SPIDR: variants seen among roughly 807,000 people sequenced by gnomAD.
SPIDR encodes the protein DNA repair-scaffolding protein.
In SPIDR, 93 loss-of-function variants were observed where a neutral mutation model predicts 104.6. The observed-to-expected ratio is 0.89, with a 90% CI of 0.75 to 1.06. SPIDR has a LOEUF of 1.06. SPIDR is among the 50% of genes least tolerant of loss of function. The probability of loss-of-function intolerance (pLI) is 0.00; values close to 1 mark genes in which losing one functional copy is unlikely to be tolerated. For missense variants in SPIDR, 1,154 were observed against 1,111.2 expected (o/e 1.04, Z -0.55); for synonymous variants, 431 against 416.9 (o/e 1.03, Z -0.41).
At chr8:47,538,271 G>A (rs1332172779) in intron 8 of SPIDR, among the ~76,000 whole-genome samples, 2 of 152,088 alleles carry the variant, frequency 1.3e-5, no homozygotes, top group Admixed American at 6.6e-5. Flanking sequence ...AAGGCTGGGC[G>A]TGGTGGTTCA....
At chr8:47,315,782 G>A (rs2045226749) in intron 5 of SPIDR, among the ~76,000 whole-genome samples, 1 of 152,110 alleles carries the variant, frequency 6.6e-6, no homozygotes, top group Admixed American at 6.5e-5. Context: ...TAAATAAAAA[G>A]TGCTGGAACA....
chr8:47,280,112 T>C, intron 2 of SPIDR, 95 bp downstream of exon 2: 1 of 1,318,906 alleles, frequency 7.6e-7, no homozygotes, highest in Non-Finnish European at 1.0e-6. Flanking sequence ...ATTCCCTTTC[T>C]TATTCTTTCA....
At chr8:47,668,439 C>A (rs901518359) in intron 10 of SPIDR, among the ~76,000 whole-genome samples, 2 of 151,442 alleles carry the variant, frequency 1.3e-5, no homozygotes, top group Admixed American at 6.6e-5. Flanking sequence ...ACAGATAAAG[C>A]ATTTGATAAG....
chr8:47,704,630 C>T (rs755193242), intron 14 of SPIDR, among the ~76,000 whole-genome samples: 4 of 152,236 alleles, frequency 2.6e-5, no homozygotes, highest in African/African-American at 4.8e-5. Context: ...AACATTCTCT[C>T]ACCATATTGG....
intron 8 of SPIDR, among the ~76,000 whole-genome samples, chr8:47,536,941 G>A (rs1238248489): frequency 6.6e-6 from 1 of 152,176 alleles, no homozygotes; most frequent in African/African-American, 2.4e-5. Flanking sequence ...GAGATGTACA[G>A]ATGGCAGATA....
At chr8:47,680,490 C>G (rs1418283773) in intron 11 of SPIDR, among the ~76,000 whole-genome samples, 2 of 152,200 alleles carry the variant, frequency 1.3e-5, no homozygotes, top group East Asian at 3.8e-4. Flanking sequence ...TCATTCCACA[C>G]AAGTTTACTG....
At chr8:47,466,900 A>AAATATAT (rs34970317) in intron 8 of SPIDR, among the ~76,000 whole-genome samples, 16 of 114,338 alleles carry the variant, frequency 1.4e-4, no homozygotes, top group South Asian at 2.9e-4. Context: ...AAAAAAAAAA[A>AAATATAT]ATATATATAT....
At chr8:47,670,503 C>G (rs1190984858) in intron 10 of SPIDR, among the ~76,000 whole-genome samples, 1 of 152,066 alleles carries the variant, frequency 6.6e-6, no homozygotes, top group African/African-American at 2.4e-5. Context: ...GATCGATTAC[C>G]AACAACTTTA....
intron 8 of SPIDR, among the ~76,000 whole-genome samples, chr8:47,517,594 T>C (rs2083360286): frequency 6.6e-6 from 1 of 152,226 alleles, no homozygotes; most frequent in South Asian, 2.1e-4. Context: ...CCAAAATGAT[T>C]ATGTTCATCT....
chr8:47,636,538 T>G (rs1310685202), intron 10 of SPIDR, among the ~76,000 whole-genome samples: 1 of 152,176 alleles, frequency 6.6e-6, no homozygotes, highest in African/African-American at 2.4e-5. Context: ...ACAGCCAAGT[T>G]GGCCAGGCGC....
At chr8:47,488,865 G>C (rs1219185545) in intron 8 of SPIDR, among the ~76,000 whole-genome samples, 2 of 152,148 alleles carry the variant, frequency 1.3e-5, no homozygotes, top group Non-Finnish European at 1.5e-5. Flanking sequence ...AATAATAAGA[G>C]CTATCTATGA....
intron 8 of SPIDR, among the ~76,000 whole-genome samples, chr8:47,450,428 A>G (rs1170027560): frequency 6.6e-6 from 1 of 152,124 alleles, no homozygotes; most frequent in Non-Finnish European, 1.5e-5. Context: ...ACCTCCCAAT[A>G]CTGCTGCATT....
chr8:47,671,585 A>AAAAAAAATAAATAAATAAAT (rs2075801582), intron 10 of SPIDR, among the ~76,000 whole-genome samples: 1 of 142,712 alleles, frequency 7.0e-6, no homozygotes, highest in Non-Finnish European at 1.5e-5. Context: ...ACTCCATCTC[A>AAAAAAAATAAATAAATAAAT]AAATAAATAA....
intron 14 of SPIDR, among the ~76,000 whole-genome samples, chr8:47,709,694 C>A (rs73571459): frequency 0.018 from 2,749 of 152,212 alleles, 84 homozygotes; most frequent in African/African-American, 0.064. Context: ...TTGTTCATAA[C>A]CCCAATAGTA....
At chr8:47,295,366 A>G (rs1040994367) in intron 5 of SPIDR, among the ~76,000 whole-genome samples, 3 of 152,144 alleles carry the variant, frequency 2.0e-5, no homozygotes, top group Non-Finnish European at 2.9e-5. Flanking sequence ...CACTATTATT[A>G]TAGTCTTCAT....
intron 3 of SPIDR, among the ~76,000 whole-genome samples, chr8:47,288,820 G>A (rs1554565525): frequency 6.6e-6 from 1 of 152,194 alleles, no homozygotes; most frequent in African/African-American, 2.4e-5. Context: ...ATGTTTTTGT[G>A]CCTTTGTAAG....
At chr8:47,536,744 A>G (rs1453114099) in intron 8 of SPIDR, among the ~76,000 whole-genome samples, 1 of 152,206 alleles carries the variant, frequency 6.6e-6, no homozygotes, top group Non-Finnish European at 1.5e-5. Context: ...AGTTTACAAG[A>G]TGAACTTTGT....
intron 6 of SPIDR, among the ~76,000 whole-genome samples, chr8:47,397,899 G>A (rs782040561): frequency 3.9e-5 from 6 of 152,134 alleles, no homozygotes; most frequent in South Asian, 2.1e-4. Flanking sequence ...AACAGAGTTC[G>A]CACCATGGCT....
At chr8:47,387,232 G>A (rs1469685362) in intron 5 of SPIDR, among the ~76,000 whole-genome samples, 5 of 152,232 alleles carry the variant, frequency 3.3e-5, no homozygotes, top group African/African-American at 1.2e-4. Context: ...GAGGCAGACA[G>A]CTATGAATGG....
Sources: gnomAD v4.1 joint callset for allele counts (sites outside exome capture counted in the v4.1 genomes callset) on GRCh38, gnomAD v4.1.1 for gene constraint, MANE v1.5 for transcripts, NCBI Gene and HGNC (gene_info 2026-07-23, HGNC 2026-07-21) for gene names.